The following SVEP1 variants were observed in gnomAD, a reference collection of about 807,000 sequenced individuals.
SVEP1 encodes sushi, von Willebrand factor type A, EGF and pentraxin domain-containing protein 1.
In SVEP1, 164 loss-of-function variants were observed where a neutral mutation model predicts 367.3. That is an observed-to-expected ratio of 0.45 (90% CI 0.39 to 0.51). The LOEUF is 0.51. Ranked by LOEUF, SVEP1 falls within the 20% of genes least tolerant of loss-of-function variation. The pLI, the probability that SVEP1 is intolerant of heterozygous loss-of-function variation, is 0.00. For missense variants in SVEP1, 4,117 were observed against 4,425.3 expected, an observed-to-expected ratio of 0.93 and a Z score of 1.98; for synonymous variants, 1,666 against 1,611.6, an observed-to-expected ratio of 1.03 and a Z score of -0.81.
chr9:110,530,300 T>C (rs76299457), intron 3 of SVEP1, among the ~76,000 whole-genome samples: 4,009 of 152,276 alleles, frequency 0.026, 134 homozygotes, highest in African/African-American at 0.072. Flanking sequence ...TCATCAGAGA[T>C]ATTGGTCTGT....
In SVEP1 at chr9:110,472,194, G is replaced by C. The variant is rs372821116; in HGVS notation, c.2729C>G (p.Ser910Cys). 2.5e-6 allele frequency: 4 copies of C among 1,612,926 alleles called. No individual in the cohort carries two copies. In the African/African-American group the frequency reaches 4.0e-5, roughly 16 times the overall value. Reference protein sequence around the residue: ...SSRIKRSAPLSDYKIKLIFNI... With the variant: ...SSRIKRSAPLCDYKIKLIFNI... ...AAAAATTAACTTAATTTTATAGTCA[G>C]ATAATGGGGCACTTCTTTTAATCCG... The change falls in exon 15 of 48, where the codon TCT becomes TGT. Residue 910 changes from serine to cysteine, a missense_variant. Coordinates refer to ENST00000374469, the MANE Select transcript of SVEP1 (RefSeq NM_153366.4).
At chr9:110,369,323 T>C (rs1247447038) in intron 47 of SVEP1, among the ~76,000 whole-genome samples, 5 of 152,162 alleles carry the variant, frequency 3.3e-5, no homozygotes, top group Admixed American at 6.5e-5. Context: ...AAGAAACCGA[T>C]GAAAAAACAT....
In SVEP1 at chr9:110,472,248, G is replaced by A; in HGVS notation, c.2675C>T (p.Ala892Val). The A allele has an allele frequency of 1.9e-6, 3 of 1,613,628 alleles. No individual in the cohort carries two copies. Among genetic ancestry groups the A allele is most frequent in the Non-Finnish European group, 2.5e-6 (3 of 1,179,800 alleles). Residue 892 changes from alanine (A) to valine (V), a missense_variant, in exon 15 of 48, where the codon GCC (alanine) becomes GTC (valine). Physicochemically the swap from Ala to Val is moderately conservative, Grantham distance 64. This residue lies in a region of SVEP1 where 2,174 missense variants were observed against 2,494.3 expected (regional missense o/e 0.87). Transcript: ENST00000374469. ...DDFLDTVQET[A>V]TSIGNAKSSR... Reference sequence around the variant, plus strand: ...GGACTTGGCATTGCCGATGCTTGTGGCTGTTTCTTGCACAGTGTCCAGGAA... The same window carrying A: ...GGACTTGGCATTGCCGATGCTTGTGACTGTTTCTTGCACAGTGTCCAGGAA...
At chr9:110,379,218 GCTGCTAAAAGAAAT>G in intron 44 of SVEP1, 115 bp downstream of exon 44, 1 of 1,011,536 alleles carries the variant, frequency 9.9e-7, no homozygotes, top group Non-Finnish European at 1.4e-6. Flanking sequence ...AAATTACACA[GCTGCTAAAAGAAAT>G]TTTAAAGCCA....
At chr9:110,491,590 G>GGGGGGTGTGTGT (rs76905358) in intron 8 of SVEP1, among the ~76,000 whole-genome samples, 2 of 147,838 alleles carry the variant, frequency 1.4e-5, no homozygotes, top group African/African-American at 5.0e-5. Context: ...TATAGAATGG[G>GGGGGGTGTGTGT]GTGTGTGTGT....
intron 46 of SVEP1, among the ~76,000 whole-genome samples, 197 bp downstream of exon 46, chr9:110,375,171 T>A (rs1827331197): frequency 1.3e-5 from 2 of 152,044 alleles, no homozygotes; most frequent in African/African-American, 4.8e-5. Context: ...CTTCGGCACA[T>A]GACCTGGAAA....
chr9:110,434,060 A>T (rs1340356709), intron 30 of SVEP1, among the ~76,000 whole-genome samples: 2 of 152,064 alleles, frequency 1.3e-5, no homozygotes, highest in Non-Finnish European at 2.9e-5. Flanking sequence ...GCAATGACCC[A>T]TCTATCTCTG....
chr9:110,401,110 G>T, intron 39 of SVEP1, 101 bp from the exon 40 acceptor site: 1 of 1,444,212 alleles, frequency 6.9e-7, no homozygotes, highest in Non-Finnish European at 9.4e-7. Context: ...TCTCCAAAAT[G>T]ATAGTCAAAA....
chr9:110,457,515 G>T (rs1377286293), intron 20 of SVEP1, among the ~76,000 whole-genome samples, 163 bp from the exon 21 acceptor site: 5 of 152,206 alleles, frequency 3.3e-5, no homozygotes, highest in African/African-American at 1.2e-4. Context: ...ACTGGTGCCT[G>T]CCATATAGGG....
intron 16 of SVEP1, 136 bp from the exon 17 acceptor site, chr9:110,469,237 G>A: frequency 1.3e-6 from 1 of 793,594 alleles, no homozygotes; most frequent in Admixed American, 3.0e-5. Context: ...TATGGCCAGA[G>A]GCTTATTCAC....
At chr9:110,481,744 G>A (rs1311987922) in intron 11 of SVEP1, among the ~76,000 whole-genome samples, 4 of 152,136 alleles carry the variant, frequency 2.6e-5, no homozygotes, top group Admixed American at 2.6e-4. Flanking sequence ...ACAGAGTCTT[G>A]CTCTGTCACC....
chr9:110,495,980 C>T (rs994428237), intron 8 of SVEP1, among the ~76,000 whole-genome samples: 2 of 152,086 alleles, frequency 1.3e-5, no homozygotes, highest in East Asian at 1.9e-4. Flanking sequence ...CTTAAAAGAT[C>T]CTCAGAACCT....
chr9:110,415,109 T>G (rs1405288684), intron 36 of SVEP1, among the ~76,000 whole-genome samples: 3 of 152,020 alleles, frequency 2.0e-5, no homozygotes, highest in Non-Finnish European at 4.4e-5. Context: ...TTAAAAAAGA[T>G]AAATGTTTTG....
At chr9:110,530,023 T>C (rs1829997946) in intron 3 of SVEP1, among the ~76,000 whole-genome samples, 1 of 151,802 alleles carries the variant, frequency 6.6e-6, no homozygotes. Flanking sequence ...TTTTGTGTTA[T>C]GTTCCTTTTA....
chr9:110,395,049 G>A (rs905879510), intron 40 of SVEP1, among the ~76,000 whole-genome samples: 1 of 152,156 alleles, frequency 6.6e-6, no homozygotes, highest in Non-Finnish European at 1.5e-5. Context: ...ACACATAATT[G>A]TCAGATTCAC....
rs1421515334 is a variant in SVEP1 at position 110,465,980 on chromosome 9, A to C, written c.3207T>G (p.Cys1069Trp). 1 of 1,613,520 alleles carries C rather than the reference A, an allele frequency of 6.2e-7. No individual in the cohort carries two copies. Among genetic ancestry groups the C allele is most frequent in the East Asian group, 2.2e-5 (1 of 44,896 alleles). The change falls in exon 18 of 48, where the codon TGT (cysteine) becomes TGG (tryptophan). Residue 1069 changes from cysteine (C) to tryptophan (W), a missense_variant. Physicochemically the swap from Cys to Trp is radical, Grantham distance 215 (BLOSUM62 -2). Coordinates refer to ENST00000374469, the MANE Select transcript of SVEP1 (RefSeq NM_153366.4). ...GTYSYSGLET[C>W]ESCPLGTYQP... The stretch of plus-strand genomic sequence containing the variant: ...GATAAGTGCCCAGTGGACACGATTC[A>C]CAAGTCTCAAGTCCACTGTATGAGT...
chr9:110,372,940 T>C (rs1050291407), intron 46 of SVEP1, among the ~76,000 whole-genome samples: 3 of 152,180 alleles, frequency 2.0e-5, no homozygotes, highest in Admixed American at 1.3e-4. Flanking sequence ...GCCAAAGTAG[T>C]ACATTGATGA....
At chr9:110,495,245 C>T (rs937458664) in intron 8 of SVEP1, among the ~76,000 whole-genome samples, 2 of 152,046 alleles carry the variant, frequency 1.3e-5, no homozygotes, top group Non-Finnish European at 2.9e-5. Context: ...ACGGCCCCCC[C>T]AAAGATCATC....
intron 1 of SVEP1, 22 bp downstream of exon 1, chr9:110,578,991 T>C (rs1830659316): frequency 3.9e-6 from 6 of 1,542,858 alleles, no homozygotes; most frequent in Non-Finnish European, 5.2e-6. Context: ...AGGGCCCGGG[T>C]CGGGAGGGGC....
Sources: allele counts gnomAD v4.1 joint callset (sites outside exome capture counted in the v4.1 genomes callset), GRCh38; gene constraint gnomAD v4.1.1; regional missense constraint gnomAD v4.1.1; transcripts MANE v1.5; gene names NCBI Gene and HGNC (gene_info 2026-07-23, HGNC 2026-07-21).